Variants in GOLGB1 observed in about 807,000 individuals in gnomAD.
GOLGB1 encodes the protein golgin B1.
GOLGB1 carries 174 observed loss-of-function variants against 336.9 expected under a neutral mutation model. That is an observed-to-expected ratio of 0.52 (90% confidence interval 0.46 to 0.59). GOLGB1 has a LOEUF of 0.59. GOLGB1 is among the 20% of genes least tolerant of loss of function. GOLGB1 has a pLI of 0.00. For synonymous variants in GOLGB1, 1,208 were observed against 1,289.2 expected, an observed-to-expected ratio of 0.94 and a Z score of 1.35; for missense variants, 3,331 against 3,645.3, an observed-to-expected ratio of 0.91 and a Z score of 2.22.
chr3:121,682,097 C>A (rs1395916273), intron 14 of GOLGB1, among the ~76,000 whole-genome samples: 1 of 152,170 alleles, frequency 6.6e-6, no homozygotes, highest in Non-Finnish European at 1.5e-5. Context: ...TGTGACTATT[C>A]CTGCAACTTC....
intron 14 of GOLGB1, among the ~76,000 whole-genome samples, chr3:121,683,017 T>C (rs1034406315): frequency 1.0e-4 from 15 of 148,586 alleles, no homozygotes; most frequent in Non-Finnish European, 1.8e-4. Context: ...GATAAGGAGG[T>C]CTAGATGAAA....
In GOLGB1 at chr3:121,683,996, C is replaced by T. The variant is rs373147577; in HGVS notation, c.8695-2131G>A. The stretch of plus-strand genomic sequence containing the variant: ...TATAAAAATTAGCTGGGCGTGGTGG[C>T]GGGAGCCTATAGTCCCAGCTACTCA... On this transcript the variant is annotated intron_variant, in intron 14 of 21. Transcript: ENST00000614479. 4.0e-4 allele frequency among the ~76,000 whole-genome samples: 60 copies of T among 151,568 alleles called. 1 individual carries two copies. In the East Asian group the frequency reaches 9.9e-3, roughly 25 times the overall value.
intron 16 of GOLGB1, 25 bp from the exon 17 acceptor site, chr3:121,677,055 G>A (rs766806535): frequency 1.9e-6 from 3 of 1,613,292 alleles, no homozygotes; most frequent in African/African-American, 1.3e-5. Flanking sequence ...ACATTGATCA[G>A]ATTCTCTCCT....
chr3:121,691,013 C>G lies in GOLGB1; in HGVS notation c.8351G>C (p.Arg2784Thr). The G allele has an allele frequency of 6.2e-7, 1 of 1,613,812 alleles. No individual in the cohort carries two copies. The highest frequency in any genetic ancestry group is 2.2e-5 in the East Asian group (1 of 44,892). The change falls in exon 14 of 22, where the codon AGA becomes ACA. Residue 2784 changes from arginine to threonine, a missense_variant. Physicochemically the swap from Arg to Thr is moderately conservative, Grantham distance 71. Coordinates refer to ENST00000614479, the MANE Select transcript of GOLGB1 (RefSeq NM_001366282.2). ...AQLKEQGLLN[R>T]ERDALLSETA... ...TTCAGAAAGAAGAGCATCTCTCTCT[C>G]TGTTTAAGAGTCCCTGTTCTTTCAA...
intron 11 of GOLGB1, among the ~76,000 whole-genome samples, chr3:121,700,766 T>C (rs2107902955): frequency 6.6e-6 from 1 of 152,210 alleles, no homozygotes; most frequent in South Asian, 2.1e-4. Flanking sequence ...GCTTAGCCTC[T>C]TTGCATGGCT....
chr3:121,732,027 A>G (rs1185256466), intron 1 of GOLGB1, among the ~76,000 whole-genome samples: 1 of 152,162 alleles, frequency 6.6e-6, no homozygotes, highest in Non-Finnish European at 1.5e-5. Flanking sequence ...AAGATAATAA[A>G]CACTACAAAT....
At chr3:121,677,515 C>G in intron 15 of GOLGB1, 65 bp from the exon 16 acceptor site, 1 of 1,057,662 alleles carries the variant, frequency 9.5e-7, no homozygotes, top group Non-Finnish European at 1.5e-6. Context: ...TAGCTCGCAC[C>G]TGTAACCTCA....
At chr3:121,684,301 G>C (rs997657480) in intron 14 of GOLGB1, among the ~76,000 whole-genome samples, 1 of 141,090 alleles carries the variant, frequency 7.1e-6, no homozygotes, top group Non-Finnish European at 1.5e-5. Flanking sequence ...GAAAAGTTAA[G>C]AAAATTAGAG....
chr3:121,665,531 T>C (rs983043026), intron 20 of GOLGB1, among the ~76,000 whole-genome samples: 1 of 152,260 alleles, frequency 6.6e-6, no homozygotes, highest in South Asian at 2.1e-4. Context: ...AGAAGATTTC[T>C]GTGGGGTTTT....
Position 121,697,690 on chromosome 3 carries a change from T to C in GOLGB1, c.2833A>G (p.Arg945Gly). ...TLKEQLNLLS[R>G]AEEAKKEQVE... ...TGCTCTTTTTTTGCTTCCTCAGCTCTGGATAATAAATTTAGCTGTTCTTTA... is the reference window on the plus strand; with the variant it reads ...TGCTCTTTTTTTGCTTCCTCAGCTCCGGATAATAAATTTAGCTGTTCTTTA... Residue 945 changes from arginine to glycine, a missense_variant, in exon 13 of 22, where the codon AGA (arginine) becomes GGA (glycine). Transcript: ENST00000614479. The C allele has an allele frequency of 3.7e-6, 6 of 1,613,658 alleles. No homozygotes were observed. Among genetic ancestry groups the C allele is most frequent in the Non-Finnish European group, 5.1e-6 (6 of 1,179,962 alleles).
At chr3:121,687,071 A>C (rs750736759) in intron 14 of GOLGB1, among the ~76,000 whole-genome samples, 1 of 152,136 alleles carries the variant, frequency 6.6e-6, no homozygotes, top group Non-Finnish European at 1.5e-5. Context: ...CCAGGAGTTT[A>C]AGACCAGCCT....
At chr3:121,668,950 G>C (rs920681485) in intron 18 of GOLGB1, among the ~76,000 whole-genome samples, 1 of 152,158 alleles carries the variant, frequency 6.6e-6, no homozygotes. Context: ...CTCTGTTTCA[G>C]AGTACCAAAT....
chr3:121,703,722 C>T (rs776660463), intron 10 of GOLGB1, among the ~76,000 whole-genome samples: 11 of 151,924 alleles, frequency 7.2e-5, no homozygotes, highest in South Asian at 2.1e-4. Context: ...GAACAAAACA[C>T]GACATCCAGA....
intron 17 of GOLGB1, among the ~76,000 whole-genome samples, chr3:121,670,064 C>T (rs1939267232): frequency 6.6e-6 from 1 of 152,082 alleles, no homozygotes; most frequent in South Asian, 2.1e-4. Flanking sequence ...ACAAAGCAAC[C>T]CAAACCATTT....
chr3:121,664,859 C>T, intron 21 of GOLGB1, 67 bp downstream of exon 21: 1 of 989,116 alleles, frequency 1.0e-6, no homozygotes, highest in East Asian at 2.4e-5. Context: ...TCCTCAGCTC[C>T]TTGCCCCCAG....
chr3:121,707,263 CAAAA>C (rs1410713508), intron 10 of GOLGB1, among the ~76,000 whole-genome samples: 1 of 139,238 alleles, frequency 7.2e-6, no homozygotes, highest in Non-Finnish European at 1.6e-5. Context: ...AACAAACAAA[CAAAA>C]AAACCCATGA....
chr3:121,670,959 A>C (rs1001515158), intron 17 of GOLGB1, among the ~76,000 whole-genome samples: 1 of 152,166 alleles, frequency 6.6e-6, no homozygotes, highest in South Asian at 2.1e-4. Flanking sequence ...AAAAACAAAA[A>C]CATAGATCCT....
chr3:121,678,646 C>T lies in GOLGB1; in HGVS notation c.8874-1196G>A, dbSNP rs569997594. Among the ~76,000 whole-genome samples the T allele has an allele frequency of 2.0e-5, 3 of 152,022 alleles. No homozygotes were observed. The South Asian group carries it at 6.2e-4, about 32-fold the overall frequency. On this transcript the variant is annotated intron_variant, in intron 15 of 21. Coordinates refer to ENST00000614479, the MANE Select transcript of GOLGB1 (RefSeq NM_001366282.2). Reference sequence around the variant, plus strand: ...GCAGTGGCATGATGTTGGCTCACTGCAACCTCCACCTCCCGGGTTCAAGCA... The same window carrying T: ...GCAGTGGCATGATGTTGGCTCACTGTAACCTCCACCTCCCGGGTTCAAGCA...
At chr3:121,683,446 GAA>G (rs905345904) in intron 14 of GOLGB1, among the ~76,000 whole-genome samples, 2 of 152,206 alleles carry the variant, frequency 1.3e-5, no homozygotes, top group Admixed American at 1.3e-4. Flanking sequence ...CAAAGGAAAT[GAA>G]AAGTCTTCTC....
Sources: gnomAD v4.1 joint callset for allele counts (sites outside exome capture counted in the v4.1 genomes callset) on GRCh38, gnomAD v4.1.1 for gene constraint, MANE v1.5 for transcripts, NCBI Gene and HGNC (gene_info 2026-07-23, HGNC 2026-07-21) for gene names.